WDR44: variants seen among roughly 807,000 people sequenced by gnomAD.
The protein encoded by WDR44 is WD repeat-containing protein 44.
WDR44 carries 9 observed loss-of-function variants against 65.7 expected under a neutral mutation model. The ratio of observed to expected loss-of-function variants is 0.14; its 90% confidence interval spans 0.08 to 0.24. The LOEUF (loss-of-function observed/expected upper bound fraction) is 0.24. Among genes scored for constraint, WDR44 ranks in the 10% least tolerant of loss-of-function variants. WDR44 has a pLI of 1.00. For missense variants in WDR44, 425 were observed against 670.9 expected (o/e 0.63, Z 4.05); for synonymous variants, 220 against 235.2 (o/e 0.94, Z 0.59).
Position 118,409,475 on chromosome X carries a change from T to C in WDR44, c.1534-14T>C. 1 of 1,205,896 alleles carries C rather than the reference T, an allele frequency of 8.3e-7. No individual in the cohort carries two copies. Among genetic ancestry groups the C allele is most frequent in the East Asian group, 3.0e-5 (1 of 33,733 alleles). On this transcript the variant is annotated splice_polypyrimidine_tract_variant and intron_variant, in intron 10 of 19. Coordinates refer to ENST00000254029, the MANE Select transcript of WDR44 (RefSeq NM_019045.5). The stretch of plus-strand genomic sequence containing the variant: ...TGTAAAGTATTAACTTTGAAACTTC[T>C]TTTGTTTTCATAGGGAGCTGTTTGG...
At chrX:118,424,323 G>GTGTATATATATA (rs1289349202) in intron 12 of WDR44, among the ~76,000 whole-genome samples, 1 of 65,550 alleles carries the variant, frequency 1.5e-5, no homozygotes, top group African/African-American at 9.9e-5. Flanking sequence ...GTGTGTGTGT[G>GTGTATATATATA]TATATATATA....
chrX:118,404,216 A>G (rs2056943721), intron 8 of WDR44, 122 bp from the exon 9 acceptor site: 1 of 472,999 alleles, frequency 2.1e-6, no homozygotes, highest in African/African-American at 2.5e-5. Flanking sequence ...AACACCTATT[A>G]TTTATGTTTA....
intron 1 of WDR44, among the ~76,000 whole-genome samples, chrX:118,348,397 A>G (rs1034144938): frequency 7.1e-5 from 8 of 112,287 alleles, no homozygotes; most frequent in African/African-American, 2.3e-4. Context: ...CAGCTTCTCA[A>G]GCACTTTGAT....
intron 1 of WDR44, among the ~76,000 whole-genome samples, chrX:118,367,169 T>A (rs2056562118): frequency 8.9e-6 from 1 of 112,471 alleles, no homozygotes; most frequent in Non-Finnish European, 1.9e-5. Flanking sequence ...CTGATATTTT[T>A]ATCATTGTTG....
At chrX:118,436,531 T>G (rs1009723379) in intron 13 of WDR44, 171 bp from the exon 14 acceptor site, 2 of 604,854 alleles carry the variant, frequency 3.3e-6, no homozygotes, top group Non-Finnish European at 5.5e-6. Flanking sequence ...CTTAACTGTT[T>G]GGGGGAAAAT....
intron 2 of WDR44, among the ~76,000 whole-genome samples, chrX:118,384,370 C>T (rs748027972): frequency 1.3e-4 from 15 of 111,648 alleles, no homozygotes; most frequent in African/African-American, 3.9e-4. Flanking sequence ...AAGGTCATTT[C>T]GAACGATAAG....
At chrX:118,372,539 C>T (rs780598175) in intron 1 of WDR44, among the ~76,000 whole-genome samples, 1 of 111,063 alleles carries the variant, frequency 9.0e-6, no homozygotes, top group Admixed American at 9.6e-5. Context: ...TCTCAAGATA[C>T]AGCTGAAAAC....
At chrX:118,387,231 G>C (rs2056778934) in intron 2 of WDR44, 109 bp from the exon 3 acceptor site, 3 of 389,001 alleles carry the variant, frequency 7.7e-6, no homozygotes, top group Non-Finnish European at 8.5e-6. Flanking sequence ...AGCCCTTTAA[G>C]GGCCTTTGAT....
chrX:118,363,501 C>G (rs925217008), intron 1 of WDR44, among the ~76,000 whole-genome samples: 1 of 107,352 alleles, frequency 9.3e-6, no homozygotes. Flanking sequence ...TTTTTGAAAA[C>G]AAAAAATTAA....
intron 1 of WDR44, among the ~76,000 whole-genome samples, chrX:118,354,013 G>A (rs1371542911): frequency 1.9e-5 from 2 of 106,582 alleles, no homozygotes; most frequent in African/African-American, 6.5e-5. Context: ...ATAGTTGTAT[G>A]GGTCTTTTTT....
At chrX:118,356,553 T>A (rs2056461119) in intron 1 of WDR44, among the ~76,000 whole-genome samples, 1 of 110,417 alleles carries the variant, frequency 9.1e-6, no homozygotes, top group African/African-American at 3.3e-5. Flanking sequence ...TTCAAATGTG[T>A]TTTGTAGCAG....
At chrX:118,428,728 TTG>T (rs1176210010) in intron 12 of WDR44, among the ~76,000 whole-genome samples, 1 of 111,909 alleles carries the variant, frequency 8.9e-6, no homozygotes. Flanking sequence ...ATAGAAATCA[TTG>T]TGTTATAAAG....
intron 12 of WDR44, among the ~76,000 whole-genome samples, chrX:118,430,414 C>T (rs1240358825): frequency 2.8e-5 from 3 of 106,288 alleles, no homozygotes; most frequent in Admixed American, 1.0e-4. Context: ...CGGTGGCAGG[C>T]GCCTGTAATC....
intron 13 of WDR44, among the ~76,000 whole-genome samples, chrX:118,435,988 A>G (rs1318359929): frequency 8.9e-6 from 1 of 112,183 alleles, no homozygotes; most frequent in African/African-American, 3.2e-5. Flanking sequence ...TTTCTCATTC[A>G]GTATAACTCA....
At chrX:118,435,341 G>A (rs1377718956) in intron 13 of WDR44, among the ~76,000 whole-genome samples, 1 of 112,378 alleles carries the variant, frequency 8.9e-6, no homozygotes, top group Non-Finnish European at 1.9e-5. Flanking sequence ...GCAGTGGCAC[G>A]ATCTCAGCTC....
At chrX:118,433,492 G>A (rs1176808425) in intron 13 of WDR44, among the ~76,000 whole-genome samples, 1 of 111,275 alleles carries the variant, frequency 9.0e-6, no homozygotes. Context: ...TTACCACCTG[G>A]TTAAGAAATG....
At chrX:118,412,334 A>G in intron 12 of WDR44, among the ~76,000 whole-genome samples, 1 of 111,593 alleles carries the variant, frequency 9.0e-6, no homozygotes, top group African/African-American at 3.3e-5. Context: ...TTATCCTGCA[A>G]ACTACTGGGA....
chrX:118,411,840 T>C (rs2057015574), intron 12 of WDR44, among the ~76,000 whole-genome samples: 1 of 112,440 alleles, frequency 8.9e-6, no homozygotes, highest in Admixed American at 9.5e-5. Context: ...ATAGGATCTC[T>C]TTATCTACAT....
At chrX:118,354,584 A>G (rs2056443090) in intron 1 of WDR44, among the ~76,000 whole-genome samples, 1 of 111,176 alleles carries the variant, frequency 9.0e-6, no homozygotes, top group Non-Finnish European at 1.9e-5. Flanking sequence ...GAAATATAAG[A>G]TTTTTTGAAA....
Sources: allele counts gnomAD v4.1 joint callset (sites outside exome capture counted in the v4.1 genomes callset), GRCh38; gene constraint gnomAD v4.1.1; transcripts MANE v1.5; gene names NCBI Gene and HGNC (gene_info 2026-07-23, HGNC 2026-07-21).